STXBP5L: variants seen among roughly 807,000 people sequenced by gnomAD.
STXBP5L encodes syntaxin-binding protein 5-like.
STXBP5L carries 65 observed loss-of-function variants against 144.5 expected under a neutral mutation model. That is an observed-to-expected ratio of 0.45 (90% CI 0.37 to 0.55). The LOEUF is 0.55. STXBP5L is among the 20% of genes least tolerant of loss of function. The pLI, the probability that STXBP5L is intolerant of heterozygous loss-of-function variation, is 0.00. For synonymous variants in STXBP5L, 505 were observed against 469.6 expected (o/e 1.08, Z -0.97); for missense variants, 1,298 against 1,405.5 (o/e 0.92, Z 1.22).
chr3:120,951,200 G>C (rs1049258438), intron 2 of STXBP5L, among the ~76,000 whole-genome samples: 7 of 151,834 alleles, frequency 4.6e-5, no homozygotes, highest in Non-Finnish European at 7.4e-5. Context: ...CATAAAAACC[G>C]TAGAAGAAAA....
intron 3 of STXBP5L, among the ~76,000 whole-genome samples, chr3:121,035,358 C>T (rs1244828690): frequency 5.9e-5 from 9 of 152,084 alleles, no homozygotes; most frequent in Non-Finnish European, 1.3e-4. Flanking sequence ...ACATTTAAGT[C>T]TTTACTCCAT....
intron 19 of STXBP5L, among the ~76,000 whole-genome samples, chr3:121,282,059 G>A (rs909253477): frequency 2.0e-5 from 3 of 150,770 alleles, no homozygotes; most frequent in African/African-American, 7.3e-5. Flanking sequence ...AATTACTACC[G>A]CATTCTCATC....
chr3:121,019,376 T>C (rs1411348099), intron 3 of STXBP5L, among the ~76,000 whole-genome samples: 3 of 152,170 alleles, frequency 2.0e-5, no homozygotes, highest in Non-Finnish European at 4.4e-5. Context: ...TATCCAAAGG[T>C]GACCACAGGG....
At chr3:121,274,389 G>A (rs746264955) in intron 18 of STXBP5L, among the ~76,000 whole-genome samples, 3 of 152,260 alleles carry the variant, frequency 2.0e-5, no homozygotes, top group Non-Finnish European at 4.4e-5. Flanking sequence ...AGTTGCAGAT[G>A]TCTGTAGTAA....
chr3:121,269,308 C>T (rs2050668944), intron 18 of STXBP5L, among the ~76,000 whole-genome samples: 1 of 152,046 alleles, frequency 6.6e-6, no homozygotes, highest in Non-Finnish European at 1.5e-5. Flanking sequence ...TAATTGTTTA[C>T]TCTTTTGAAG....
intron 19 of STXBP5L, among the ~76,000 whole-genome samples, chr3:121,311,057 A>C (rs1053621970): frequency 6.6e-6 from 1 of 152,256 alleles, no homozygotes; most frequent in African/African-American, 2.4e-5. Context: ...GCAGTCCAAC[A>C]TAAAAAATAA....
At chr3:121,303,677 A>G (rs1264713470) in intron 19 of STXBP5L, among the ~76,000 whole-genome samples, 1 of 152,186 alleles carries the variant, frequency 6.6e-6, no homozygotes, top group African/African-American at 2.4e-5. Flanking sequence ...GCACATATAC[A>G]CCATGGAATA....
At chr3:121,281,576 G>A (rs1053694256) in intron 19 of STXBP5L, among the ~76,000 whole-genome samples, 9 of 151,970 alleles carry the variant, frequency 5.9e-5, no homozygotes, top group African/African-American at 1.9e-4. Flanking sequence ...CAGAAAAGCT[G>A]TGAATCCTAT....
chr3:121,328,574 GC>G (rs1293542049), intron 20 of STXBP5L, among the ~76,000 whole-genome samples: 3 of 151,996 alleles, frequency 2.0e-5, no homozygotes, highest in Non-Finnish European at 4.4e-5. Flanking sequence ...CACAGTGAAA[GC>G]CCGTCTCTAC....
intron 5 of STXBP5L, among the ~76,000 whole-genome samples, chr3:121,087,627 G>A (rs137920895): frequency 6.6e-6 from 1 of 151,866 alleles, no homozygotes; most frequent in South Asian, 2.1e-4. Context: ...AATTCATTCT[G>A]TCAGTCTATA....
At chr3:121,272,814 G>C (rs570445012) in intron 18 of STXBP5L, among the ~76,000 whole-genome samples, 1 of 151,864 alleles carries the variant, frequency 6.6e-6, no homozygotes, top group African/African-American at 2.4e-5. Context: ...TGAGGCTTAC[G>C]TGGAACATCT....
chr3:121,024,148 G>C (rs1167857757), intron 3 of STXBP5L, among the ~76,000 whole-genome samples: 1 of 152,108 alleles, frequency 6.6e-6, no homozygotes, highest in Non-Finnish European at 1.5e-5. Flanking sequence ...CACAGACTTG[G>C]AGAAAATATT....
intron 5 of STXBP5L, among the ~76,000 whole-genome samples, chr3:121,084,153 G>A (rs1296972834): frequency 6.6e-6 from 1 of 151,640 alleles, no homozygotes; most frequent in East Asian, 1.9e-4. Context: ...TTTCTAGGTT[G>A]TTGAGACAGG....
intron 20 of STXBP5L, among the ~76,000 whole-genome samples, chr3:121,352,178 G>A (rs975285767): frequency 3.3e-5 from 5 of 151,962 alleles, no homozygotes; most frequent in Non-Finnish European, 5.9e-5. Flanking sequence ...ATCTTTTTTC[G>A]TTCCGTATGA....
intron 5 of STXBP5L, among the ~76,000 whole-genome samples, chr3:121,052,385 AG>A (rs1194805382): frequency 6.6e-6 from 1 of 152,186 alleles, no homozygotes; most frequent in African/African-American, 2.4e-5. Context: ...CACATCAAAA[AG>A]CTTATCCACC....
At chr3:121,400,440 G>A (rs1174558424) in intron 22 of STXBP5L, among the ~76,000 whole-genome samples, 2 of 152,190 alleles carry the variant, frequency 1.3e-5, no homozygotes, top group Non-Finnish European at 2.9e-5. Context: ...GTCTCAGATT[G>A]AGAGTCTTAA....
intron 9 of STXBP5L, among the ~76,000 whole-genome samples, chr3:121,205,230 T>C (rs912600645): frequency 4.6e-5 from 7 of 152,222 alleles, no homozygotes; most frequent in Admixed American, 3.3e-4. Flanking sequence ...TTTATTTGGC[T>C]TATGATTCTG....
chr3:121,055,179 G>T (rs540119952), intron 5 of STXBP5L, among the ~76,000 whole-genome samples: 1 of 152,116 alleles, frequency 6.6e-6, no homozygotes. Flanking sequence ...ATATTGTCAT[G>T]TAACATGAGA....
At chr3:121,073,028 C>T (rs770189305) in intron 5 of STXBP5L, among the ~76,000 whole-genome samples, 61 of 152,218 alleles carry the variant, frequency 4.0e-4, no homozygotes, top group African/African-American at 1.1e-3. Context: ...GGGCGGGCTT[C>T]GGCTACTGAA....
Sources: gnomAD v4.1 joint callset for allele counts (sites outside exome capture counted in the v4.1 genomes callset) on GRCh38, gnomAD v4.1.1 for gene constraint, MANE v1.5 for transcripts, NCBI Gene and HGNC (gene_info 2026-07-23, HGNC 2026-07-21) for gene names.